The following STK32B variants were observed in gnomAD, a reference collection of about 807,000 sequenced individuals.
The protein encoded by STK32B is serine/threonine kinase 32B.
A neutral mutation model predicts 52.6 loss-of-function variants in STK32B; 43 were observed. That is an observed-to-expected ratio of 0.82 (90% CI 0.64 to 1.05). The LOEUF is 1.05. STK32B is among the 50% of genes least tolerant of loss of function. The pLI is 0.00. For synonymous variants in STK32B, 238 were observed against 204.3 expected (o/e 1.17, Z -1.41); for missense variants, 621 against 534.6 (o/e 1.16, Z -1.59).
intron 1 of STK32B, among the ~76,000 whole-genome samples, chr4:5,064,833 AATATATAAATATGC>A (rs1742355148): frequency 7.0e-6 from 1 of 142,022 alleles, no homozygotes; most frequent in Non-Finnish European, 1.5e-5. Flanking sequence ...ATAAATATAT[AATATATAAATATGC>A]ATATATAATT....
At chr4:5,477,724 G>A (rs200519533) in intron 11 of STK32B, among the ~76,000 whole-genome samples, 21 of 152,242 alleles carry the variant, frequency 1.4e-4, no homozygotes, top group East Asian at 1.2e-3. Context: ...GGAATTACAC[G>A]CTCCAGCCTG....
At chr4:5,359,388 C>G (rs1473757599) in intron 4 of STK32B, among the ~76,000 whole-genome samples, 2 of 149,984 alleles carry the variant, frequency 1.3e-5, no homozygotes, top group African/African-American at 4.9e-5. Flanking sequence ...ACCCTCCCTC[C>G]CTCCCTCCCT....
At chr4:5,368,307 A>G (rs10019941) in intron 4 of STK32B, among the ~76,000 whole-genome samples, 3,404 of 126,182 alleles carry the variant, frequency 0.027, 68 homozygotes, top group East Asian at 0.066. Flanking sequence ...CCTAATTATA[A>G]ATAATAAGGG....
At chr4:5,204,172 C>T (rs373998863) in intron 3 of STK32B, 6 of 152,282 alleles carry the variant, frequency 3.9e-5, no homozygotes, top group African/African-American at 7.2e-5. Context: ...GCTGCACTTT[C>T]GAAAGAGCAG....
At chr4:5,302,718 A>G (rs1237648171) in intron 3 of STK32B, among the ~76,000 whole-genome samples, 3 of 152,034 alleles carry the variant, frequency 2.0e-5, no homozygotes, top group Admixed American at 6.6e-5. Context: ...AGCAGTGTAC[A>G]CTGTACCCGA....
Position 5,395,235 on chromosome 4 carries a change from G to A in STK32B, c.435-2972G>A, listed in dbSNP as rs1186933328. Among the ~76,000 whole-genome samples the A allele has an allele frequency of 6.6e-6, 1 of 152,148 alleles. No homozygotes were observed. The highest frequency in any genetic ancestry group is 2.4e-5 in the African/African-American group (1 of 41,428). ...GTCATATAATGTAACATAATCCCGG[G>A]ACTGCCATCCCACCAAGTTTGCCCT... On this transcript the variant is annotated intron_variant, in intron 4 of 11. Coordinates refer to ENST00000282908, the MANE Select transcript of STK32B (RefSeq NM_018401.3). The surrounding 1 kb of genome is among the most constrained non-coding windows in gnomAD (Gnocchi z 4.4).
intron 11 of STK32B, among the ~76,000 whole-genome samples, chr4:5,475,416 C>G (rs1318198463): frequency 8.8e-6 from 1 of 114,084 alleles, no homozygotes; most frequent in Non-Finnish European, 1.7e-5. Context: ...CAGTGCAAGA[C>G]TCCATCTCAA....
chr4:5,424,007 C>A (rs534353016), intron 6 of STK32B, among the ~76,000 whole-genome samples: 1 of 152,222 alleles, frequency 6.6e-6, no homozygotes, highest in South Asian at 2.1e-4. Context: ...AAACCCCACT[C>A]CCCCCGTAGG....
At chr4:5,021,819 C>T in the STK32B span, among the ~76,000 whole-genome samples, 1 of 152,142 alleles carries the variant, frequency 6.6e-6, no homozygotes, top group Non-Finnish European at 1.5e-5. Flanking sequence ...TGGCTGTAGC[C>T]ATAAGCTGTC....
the STK32B span, among the ~76,000 whole-genome samples, chr4:5,021,463 ATGGGCCTCCC>A: frequency 6.6e-6 from 1 of 152,188 alleles, no homozygotes; most frequent in Non-Finnish European, 1.5e-5. Flanking sequence ...TGCCTGGGGC[ATGGGCCTCCC>A]TGGCAGAATA....
chr4:5,176,853 C>T (rs1719943921), intron 3 of STK32B, among the ~76,000 whole-genome samples: 1 of 152,118 alleles, frequency 6.6e-6, no homozygotes, highest in Non-Finnish European at 1.5e-5. Context: ...AAATTATCTG[C>T]AAATGTCAGC....
intron 3 of STK32B, among the ~76,000 whole-genome samples, chr4:5,237,997 A>G (rs1451417428): frequency 6.6e-6 from 1 of 152,170 alleles, no homozygotes; most frequent in Non-Finnish European, 1.5e-5. Flanking sequence ...CTTATTTGAA[A>G]ACGAGAGAGT....
intron 1 of STK32B, among the ~76,000 whole-genome samples, chr4:5,053,052 C>T (rs1023107488): frequency 6.6e-6 from 1 of 152,186 alleles, no homozygotes; most frequent in Non-Finnish European, 1.5e-5. Context: ...GTGCGTACAT[C>T]ATGGATGGCT....
intron 3 of STK32B, among the ~76,000 whole-genome samples, chr4:5,316,979 TATATA>T (rs1730959915): frequency 4.0e-5 from 1 of 24,850 alleles, no homozygotes; most frequent in Non-Finnish European, 5.7e-5. Flanking sequence ...ATATATATAA[TATATA>T]ATATATATGA....
chr4:5,262,889 A>G (rs1319249460), intron 3 of STK32B, among the ~76,000 whole-genome samples: 1 of 152,164 alleles, frequency 6.6e-6, no homozygotes, highest in East Asian at 1.9e-4. Flanking sequence ...TTTCACAGTA[A>G]ACATTTATTA....
chr4:5,283,092 C>T (rs1560284468), intron 3 of STK32B, among the ~76,000 whole-genome samples: 2 of 152,094 alleles, frequency 1.3e-5, no homozygotes, highest in East Asian at 3.8e-4. Context: ...GACCACCCCT[C>T]CCTAGCCTCT....
At position 5,159,602 on chromosome 4, in the gene STK32B, T is replaced by TATATGA. The variant is rs1262956933; in HGVS notation, c.109-8693_109-8692insGAATAT. Among the ~76,000 whole-genome samples, 3 of 108,922 alleles carry TATATGA rather than the reference T, an allele frequency of 2.8e-5. 1 individual carries two copies. Among genetic ancestry groups the TATATGA allele is most frequent in the African/African-American group, 9.2e-5 (2 of 21,668 alleles). The allele number at this position is 108,922 out of a possible 152,430, so 71.5% of individuals were successfully genotyped here. ...ATATATATATGAATATATATGAATA[T>TATATGA]ATATATGAATATATATGAATATATA... On this transcript the variant is annotated intron_variant, in intron 2 of 11. Transcript: ENST00000282908.
chr4:5,489,152 A>G (rs181641268), intron 11 of STK32B, among the ~76,000 whole-genome samples: 1 of 152,310 alleles, frequency 6.6e-6, no homozygotes, highest in African/African-American at 2.4e-5. Flanking sequence ...ACATAACCTT[A>G]AGATTTCAAA....
At chr4:5,458,488 C>G (rs915755326) in intron 8 of STK32B, 1 of 152,222 alleles carries the variant, frequency 6.6e-6, no homozygotes, top group African/African-American at 2.4e-5. Context: ...CAAAATCATT[C>G]AACCAATGCC....
Sources: allele counts gnomAD v4.1 joint callset (sites outside exome capture counted in the v4.1 genomes callset), GRCh38; gene constraint gnomAD v4.1.1; non-coding constraint Gnocchi (gnomAD v3.1); transcripts MANE v1.5; gene names NCBI Gene and HGNC (gene_info 2026-07-23, HGNC 2026-07-21).